Variants in CDHR3 observed in about 807,000 individuals in gnomAD.
CDHR3 encodes cadherin related family member 3.
A neutral mutation model predicts 86.6 loss-of-function variants in CDHR3; 79 were observed. The ratio of observed to expected loss-of-function variants is 0.91; its 90% CI spans 0.76 to 1.10. The LOEUF (loss-of-function observed/expected upper bound fraction) is 1.10, where lower values mean the gene tolerates loss of function less well. CDHR3 is among the 50% of genes least tolerant of loss of function. CDHR3 has a pLI of 0.00. For missense variants in CDHR3, 1,081 were observed against 1,077.6 expected (o/e 1.00, Z -0.04); for synonymous variants, 421 against 402.4 (o/e 1.05, Z -0.55).
chr7:105,980,995 G>T lies in CDHR3; in HGVS notation c.277G>T (p.Asp93Tyr). 1 of 1,609,722 alleles carries T rather than the reference G, an allele frequency of 6.2e-7. No individual in the cohort carries two copies. The highest frequency in any genetic ancestry group is 2.2e-5 in the East Asian group (1 of 44,824). ...TGTCACCACTGGGATGGAACAACTA[G>T]ATTTTGAAACAGGACCAAACATATT... ...EVVTTGMEQL[D>Y]FETGPNIFDL... The change falls in exon 3 of 19, where the codon GAT (aspartate) becomes TAT (tyrosine). Residue 93 changes from aspartate (D) to tyrosine (Y), a missense_variant. Physicochemically the swap from Asp to Tyr is radical, Grantham distance 160. Coordinates refer to ENST00000317716, the MANE Select transcript of CDHR3 (RefSeq NM_152750.5).
intron 17 of CDHR3, among the ~76,000 whole-genome samples, chr7:106,028,812 T>C (rs1837776309): frequency 6.6e-6 from 1 of 152,212 alleles, no homozygotes. Flanking sequence ...TCATAAATAT[T>C]GAGTAGTGGT....
chr7:106,002,385 G>A (rs957327227), intron 7 of CDHR3, among the ~76,000 whole-genome samples: 16 of 152,330 alleles, frequency 1.1e-4, no homozygotes, highest in Admixed American at 8.5e-4. Context: ...TATGATTGGA[G>A]GACAAAAGGG....
intron 13 of CDHR3, 87 bp downstream of exon 13, chr7:106,020,631 C>A: frequency 6.9e-7 from 1 of 1,439,936 alleles, no homozygotes. Flanking sequence ...ACACACTGAT[C>A]TGGGCAAAGT....
chr7:105,968,479 G>A (rs1041269408), intron 1 of CDHR3, among the ~76,000 whole-genome samples: 1 of 151,894 alleles, frequency 6.6e-6, no homozygotes, highest in Admixed American at 6.6e-5. Flanking sequence ...TCCTGCCTCA[G>A]CCTCCCAAGT....
At chr7:105,979,758 A>G (rs1013583663) in intron 2 of CDHR3, among the ~76,000 whole-genome samples, 2 of 152,202 alleles carry the variant, frequency 1.3e-5, no homozygotes, top group African/African-American at 2.4e-5. Flanking sequence ...TGAGTGTCTC[A>G]TCACCTGGCC....
chr7:106,014,089 C>T (rs1160615582), intron 9 of CDHR3, among the ~76,000 whole-genome samples: 1 of 152,136 alleles, frequency 6.6e-6, no homozygotes, highest in African/African-American at 2.4e-5. Flanking sequence ...GCCTCCCTAG[C>T]AGCTGGGACT....
chr7:106,028,177 T>G (rs1256673540), intron 16 of CDHR3, among the ~76,000 whole-genome samples: 2 of 127,986 alleles, frequency 1.6e-5, no homozygotes. Flanking sequence ...TAAAATAAAA[T>G]AAAAGGGCTT....
In CDHR3 at chr7:105,975,157, C is replaced by T. The variant is rs146730605; in HGVS notation, c.249+111C>T. ...AATTCCTCCATCTGGTTTAATCTTC[C>T]CTCTTGTAAGGTCCAGGAGTCCTGT... On this transcript the variant is annotated intron_variant, in intron 2 of 18. Coordinates refer to ENST00000317716, the MANE Select transcript of CDHR3 (RefSeq NM_152750.5). 658 of 968,782 alleles carry T rather than the reference C, an allele frequency of 6.8e-4. 1 individual carries two copies. The African/African-American group carries it at 9.3e-3, about 14-fold the overall frequency. The allele number at this position is 968,782 out of a possible 1,614,324, so 60.0% of individuals were successfully genotyped here.
intron 15 of CDHR3, among the ~76,000 whole-genome samples, chr7:106,024,904 C>T (rs1041843185): frequency 3.9e-5 from 6 of 152,148 alleles, no homozygotes; most frequent in Non-Finnish European, 7.3e-5. Context: ...TAGAATATGC[C>T]GTGCTCTTAT....
intron 6 of CDHR3, among the ~76,000 whole-genome samples, chr7:105,997,942 C>CTT (rs11421876): frequency 0.031 from 4,518 of 147,088 alleles, 131 homozygotes; most frequent in South Asian, 0.18. Flanking sequence ...GTGTGACGGT[C>CTT]TTTTTTTTTT....
At chr7:105,980,235 C>T (rs139642735) in intron 2 of CDHR3, among the ~76,000 whole-genome samples, 4 of 152,278 alleles carry the variant, frequency 2.6e-5, no homozygotes, top group Non-Finnish European at 4.4e-5. Context: ...TATAACTTAA[C>T]GGCAATCCCA....
chr7:106,011,511 C>A (rs183331123), intron 8 of CDHR3, among the ~76,000 whole-genome samples: 259 of 152,226 alleles, frequency 1.7e-3, no homozygotes, highest in Non-Finnish European at 2.6e-3. Context: ...GACTGTCCAG[C>A]CCCAGCCAAG....
intron 16 of CDHR3, among the ~76,000 whole-genome samples, chr7:106,028,157 TAAAATAAAATAAAATAAAATAAAAG>T (rs1360980861): frequency 8.9e-5 from 13 of 145,410 alleles, no homozygotes; most frequent in East Asian, 3.9e-4. Context: ...TAAAATAAAA[TAAAATAAAATAAAATAAAATAAAAG>T]GGCTTGGGAA....
At chr7:106,021,310 G>A (rs770330396) in intron 13 of CDHR3, among the ~76,000 whole-genome samples, 1 of 152,148 alleles carries the variant, frequency 6.6e-6, no homozygotes, top group Non-Finnish European at 1.5e-5. Flanking sequence ...TGTGCCCTTG[G>A]CCGAGCAGGA....
At chr7:106,013,078 C>G in intron 9 of CDHR3, 47 bp downstream of exon 9, 5 of 1,503,658 alleles carry the variant, frequency 3.3e-6, no homozygotes, top group Non-Finnish European at 4.5e-6. Flanking sequence ...GGGAATTGGT[C>G]CAACATGCAT....
chr7:105,991,217 A>G (rs1252512704), intron 4 of CDHR3, among the ~76,000 whole-genome samples: 1 of 152,218 alleles, frequency 6.6e-6, no homozygotes, highest in Non-Finnish European at 1.5e-5. Flanking sequence ...GCCTTTAAAA[A>G]GGGGGAGAAA....
chr7:106,009,540 C>T (rs565391057), intron 8 of CDHR3, among the ~76,000 whole-genome samples: 2 of 152,362 alleles, frequency 1.3e-5, no homozygotes, highest in East Asian at 1.9e-4. Context: ...AGGCTGTGGG[C>T]GCGGTCTCTG....
At chr7:106,023,239 C>T (rs934326465) in intron 14 of CDHR3, among the ~76,000 whole-genome samples, 17 of 152,306 alleles carry the variant, frequency 1.1e-4, no homozygotes, top group South Asian at 2.1e-4. Flanking sequence ...CTAATGAATC[C>T]GAAGCTCTGG....
Position 106,004,654 on chromosome 7 carries a change from A to G in CDHR3, c.1019A>G (p.Asp340Gly), listed in dbSNP as rs1833688136. The change falls in exon 8 of 19, where the codon GAC (aspartate) becomes GGC (glycine). Residue 340 changes from aspartate to glycine, a missense_variant. Coordinates refer to ENST00000317716, the MANE Select transcript of CDHR3 (RefSeq NM_152750.5). ...QITFIVEDVN[D>G]NPATCQKFTF... Reference sequence around the variant, plus strand: ...ACCTTCATTGTGGAAGACGTCAACGACAATCCTGCCACATGCCAAAAGTTC... The same window carrying G: ...ACCTTCATTGTGGAAGACGTCAACGGCAATCCTGCCACATGCCAAAAGTTC... 1.2e-6 allele frequency: 2 copies of G among 1,614,040 alleles called. No individual in the cohort carries two copies. The highest frequency in any genetic ancestry group is 1.7e-6 in the Non-Finnish European group (2 of 1,179,902).
Sources: allele counts gnomAD v4.1 joint callset (sites outside exome capture counted in the v4.1 genomes callset), GRCh38; gene constraint gnomAD v4.1.1; transcripts MANE v1.5; gene names NCBI Gene and HGNC (gene_info 2026-07-23, HGNC 2026-07-21).